The following EVI5 variants were observed in gnomAD, a reference collection of about 807,000 sequenced individuals.
The protein encoded by EVI5 is ecotropic viral integration site 5.
EVI5 carries 73 observed loss-of-function variants against 112.0 expected under a neutral mutation model. The observed-to-expected ratio is 0.65, with a 90% CI of 0.54 to 0.79. EVI5 has a LOEUF of 0.79. Among genes scored for constraint, EVI5 ranks in the 30% least tolerant of loss-of-function variants. The probability of loss-of-function intolerance (pLI) is 0.00; values close to 1 mark genes in which losing one functional copy is unlikely to be tolerated. For missense variants in EVI5, 900 were observed against 968.8 expected, an observed-to-expected ratio of 0.93 and a Z score of 0.94; for synonymous variants, 305 against 319.9, an observed-to-expected ratio of 0.95 and a Z score of 0.50.
intron 1 of EVI5, among the ~76,000 whole-genome samples, chr1:92,761,057 CAAA>C (rs35833050): frequency 9.4e-6 from 1 of 106,234 alleles, no homozygotes; most frequent in Admixed American, 1.2e-4. Context: ...GGCTCCATCT[CAAA>C]AAAAAAAAAA....
At chr1:92,783,111 G>C (rs1254577716) in intron 1 of EVI5, among the ~76,000 whole-genome samples, 1 of 151,902 alleles carries the variant, frequency 6.6e-6, no homozygotes, top group African/African-American at 2.4e-5. Context: ...GTGAGCCACC[G>C]CACCCAGACC....
At chr1:92,519,896 TA>T (rs371959112) in intron 19 of EVI5, among the ~76,000 whole-genome samples, 2,295 of 119,018 alleles carry the variant, frequency 0.019, 45 homozygotes, top group African/African-American at 0.059. Flanking sequence ...ACTCTGTCTT[TA>T]AAAAAAAAAA....
intron 1 of EVI5, among the ~76,000 whole-genome samples, chr1:92,746,185 C>T (rs1357501411): frequency 1.3e-5 from 2 of 152,192 alleles, no homozygotes; most frequent in African/African-American, 4.8e-5. Context: ...TGCTGCTTGA[C>T]CACATTGCAG....
intron 1 of EVI5, among the ~76,000 whole-genome samples, chr1:92,763,989 A>G (rs773176155): frequency 8.5e-5 from 13 of 152,188 alleles, no homozygotes; most frequent in Non-Finnish European, 1.5e-4. Context: ...TAAGAGAAAC[A>G]CCAAACTAAT....
At chr1:92,522,630 C>A (rs1194063604) in intron 19 of EVI5, among the ~76,000 whole-genome samples, 2 of 3,622 alleles carry the variant, frequency 5.5e-4, no homozygotes, top group Non-Finnish European at 9.4e-4. Context: ...GACTCCATCT[C>A]CAAAAAAAAA....
chr1:92,726,914 GT>G (rs1474775263), intron 2 of EVI5, among the ~76,000 whole-genome samples: 1 of 151,766 alleles, frequency 6.6e-6, no homozygotes, highest in Non-Finnish European at 1.5e-5. Flanking sequence ...CAAAATAACA[GT>G]TATAGCTTAT....
chr1:92,629,742 T>C (rs1351894381), intron 14 of EVI5, among the ~76,000 whole-genome samples: 3 of 152,094 alleles, frequency 2.0e-5, no homozygotes, highest in Admixed American at 6.6e-5. Flanking sequence ...TACATACATG[T>C]GCCATGTTGG....
intron 19 of EVI5, among the ~76,000 whole-genome samples, chr1:92,537,355 A>G (rs991333091): frequency 2.6e-5 from 4 of 152,210 alleles, no homozygotes; most frequent in African/African-American, 7.2e-5. Context: ...TTTGAGCTAA[A>G]TGTAGCATTT....
intron 10 of EVI5, among the ~76,000 whole-genome samples, chr1:92,674,290 G>A (rs1666355280): frequency 6.6e-6 from 1 of 152,004 alleles, no homozygotes; most frequent in South Asian, 2.1e-4. Flanking sequence ...CAACCCAAAT[G>A]CCCATCAATG....
chr1:92,648,536 T>C (rs1661456976), intron 13 of EVI5, among the ~76,000 whole-genome samples: 2 of 152,116 alleles, frequency 1.3e-5, no homozygotes, highest in South Asian at 4.1e-4. Flanking sequence ...TTCTTATCTT[T>C]CCCCCATCAC....
At chr1:92,716,474 A>C (rs1020529861) in intron 2 of EVI5, among the ~76,000 whole-genome samples, 1 of 152,330 alleles carries the variant, frequency 6.6e-6, no homozygotes, top group East Asian at 1.9e-4. Context: ...GGTCACCAAC[A>C]TCAAAGACCA....
At chr1:92,696,733 T>C (rs1670377314) in intron 6 of EVI5, among the ~76,000 whole-genome samples, 1 of 151,836 alleles carries the variant, frequency 6.6e-6, no homozygotes. Flanking sequence ...TGTACAACTA[T>C]TGTATGTCAA....
chr1:92,559,009 G>A (rs1668107165), intron 19 of EVI5, among the ~76,000 whole-genome samples: 2 of 152,108 alleles, frequency 1.3e-5, no homozygotes, highest in Admixed American at 1.3e-4. Context: ...GGTCCAGGAT[G>A]TCCCAAGGAT....
rs943287005 is a variant in EVI5 at position 92,525,189 on chromosome 1, G to A, written c.2167-11219C>T. ...AGGAGAGACACATACATCGGGGTGTGCGTGTGTGGTAGGTTGCAAGGGACA... is the reference window on the plus strand; with the variant it reads ...AGGAGAGACACATACATCGGGGTGTACGTGTGTGGTAGGTTGCAAGGGACA... On this transcript the variant is annotated intron_variant, in intron 19 of 19. Transcript: ENST00000684568. Among the ~76,000 whole-genome samples the A allele has an allele frequency of 4.6e-5, 7 of 151,966 alleles. No individual in the cohort carries two copies. The East Asian group carries it at 1.4e-3, about 29-fold the overall frequency.
chr1:92,651,611 G>C (rs978888991), intron 13 of EVI5, among the ~76,000 whole-genome samples: 1 of 151,778 alleles, frequency 6.6e-6, no homozygotes, highest in Non-Finnish European at 1.5e-5. Context: ...CAGCACTTTG[G>C]GAGGCCGAGG....
intron 17 of EVI5, among the ~76,000 whole-genome samples, chr1:92,606,630 T>A (rs1024457246): frequency 6.6e-6 from 1 of 152,208 alleles, no homozygotes; most frequent in Non-Finnish European, 1.5e-5. Context: ...TCTCTGGATT[T>A]CAGTGACACT....
chr1:92,581,529 T>C (rs185032109), intron 18 of EVI5, among the ~76,000 whole-genome samples: 31 of 152,314 alleles, frequency 2.0e-4, no homozygotes, highest in Admixed American at 1.6e-3. Context: ...TTTGCTGACT[T>C]ACACAGCCTG....
chr1:92,656,063 T>C (rs1662952007), intron 13 of EVI5, among the ~76,000 whole-genome samples: 1 of 152,122 alleles, frequency 6.6e-6, no homozygotes, highest in African/African-American at 2.4e-5. Flanking sequence ...TAGACATTTA[T>C]AGGACATTCT....
At chr1:92,739,101 C>T (rs956927003) in intron 1 of EVI5, among the ~76,000 whole-genome samples, 2 of 151,714 alleles carry the variant, frequency 1.3e-5, no homozygotes, top group African/African-American at 2.4e-5. Flanking sequence ...GACAAAACCC[C>T]GTGTCTACTA....
Sources: allele counts gnomAD v4.1 joint callset (sites outside exome capture counted in the v4.1 genomes callset), GRCh38; gene constraint gnomAD v4.1.1; transcripts MANE v1.5; gene names NCBI Gene and HGNC (gene_info 2026-07-23, HGNC 2026-07-21).